Variants in CDYL observed in about 807,000 individuals in gnomAD.
The protein encoded by CDYL is chromodomain Y like, also known as chromodomain Y-like protein.
CDYL carries 8 observed loss-of-function variants against 47.3 expected under a neutral mutation model. That is an observed-to-expected ratio of 0.17 (90% CI 0.10 to 0.31). The LOEUF is 0.31. Among genes scored for constraint, CDYL ranks in the 10% least tolerant of loss-of-function variants. The pLI is 1.00. For missense variants in CDYL, 471 were observed against 701.4 expected (o/e 0.67, Z 3.71); for synonymous variants, 266 against 265.0 (o/e 1.00, Z -0.04).
At chr6:4,757,147 A>G (rs942155282) in intron 3 of CDYL, among the ~76,000 whole-genome samples, 1 of 152,246 alleles carries the variant, frequency 6.6e-6, no homozygotes, top group Admixed American at 6.5e-5. Context: ...ATTTAGAAAT[A>G]TAACTTTAGT....
chr6:4,714,315 G>C (rs1757213616), intron 1 of CDYL: 1 of 152,120 alleles, frequency 6.6e-6, no homozygotes, highest in African/African-American at 2.4e-5. Flanking sequence ...CAACATCAGA[G>C]CACCTGGGCT....
intron 1 of CDYL, among the ~76,000 whole-genome samples, chr6:4,857,268 A>ATGAAGTTT (rs1761037927): frequency 6.6e-6 from 1 of 152,240 alleles, no homozygotes; most frequent in South Asian, 2.1e-4. Flanking sequence ...CTTAAAAAAA[A>ATGAAGTTT]TGAAGTTTTG....
At chr6:4,778,395 C>T (rs9504249) in intron 1 of CDYL, among the ~76,000 whole-genome samples, 2,672 of 152,234 alleles carry the variant, frequency 0.018, 40 homozygotes, top group African/African-American at 0.04. Context: ...GCACATTTCC[C>T]ATTAGTATAT....
chr6:4,711,006 A>C (rs998503174), intron 1 of CDYL, among the ~76,000 whole-genome samples: 1 of 152,112 alleles, frequency 6.6e-6, no homozygotes, highest in African/African-American at 2.4e-5. Context: ...TCATTTCACT[A>C]TGGATATGTA....
chr6:4,865,291 G>T (rs1370500323), intron 1 of CDYL, among the ~76,000 whole-genome samples: 2 of 152,098 alleles, frequency 1.3e-5, no homozygotes. Flanking sequence ...CCGCCACTCG[G>T]GCTCATACCC....
intron 4 of CDYL, among the ~76,000 whole-genome samples, chr6:4,939,766 C>T (rs545801874): frequency 6.6e-5 from 10 of 152,318 alleles, no homozygotes; most frequent in Non-Finnish European, 1.3e-4. Flanking sequence ...GGGTGAATTC[C>T]ATGAACTTAA....
At chr6:4,939,282 AG>A (rs59884857) in intron 4 of CDYL, among the ~76,000 whole-genome samples, 24 of 151,992 alleles carry the variant, frequency 1.6e-4, no homozygotes, top group South Asian at 1.0e-3. Context: ...TGTGGTGGGT[AG>A]GGGGGCTCTT....
intron 1 of CDYL, among the ~76,000 whole-genome samples, chr6:4,777,351 C>T (rs930920659): frequency 2.6e-5 from 4 of 152,150 alleles, no homozygotes; most frequent in African/African-American, 9.7e-5. Context: ...AGCATTGTGG[C>T]CAGAGCCAGG....
At chr6:4,902,856 A>G (rs557717792) in intron 2 of CDYL, among the ~76,000 whole-genome samples, 4 of 152,340 alleles carry the variant, frequency 2.6e-5, no homozygotes, top group Admixed American at 2.0e-4. Context: ...GTCTGAAAAA[A>G]TAAAATCGGA....
chr6:4,837,970 G>A (rs1398905713), intron 1 of CDYL, among the ~76,000 whole-genome samples: 3 of 150,888 alleles, frequency 2.0e-5, no homozygotes, highest in African/African-American at 4.9e-5. Context: ...TAGAGATGGG[G>A]TTTTGCCATG....
intron 1 of CDYL, among the ~76,000 whole-genome samples, chr6:4,882,396 T>A (rs1761787781): frequency 6.6e-6 from 1 of 152,194 alleles, no homozygotes; most frequent in South Asian, 2.1e-4. Flanking sequence ...GGGAGATAGT[T>A]TTAAACACAG....
chr6:4,772,389 C>T (rs1758350677), upstream of CDYL, among the ~76,000 whole-genome samples: 1 of 152,058 alleles, frequency 6.6e-6, no homozygotes, highest in Non-Finnish European at 1.5e-5. Flanking sequence ...ACTGTTTGGG[C>T]AGGGAAGGCA....
chr6:4,932,800 A>G (rs7743681), intron 2 of CDYL, among the ~76,000 whole-genome samples: 105,343 of 152,074 alleles, frequency 0.69, 37,136 homozygotes, highest in Middle Eastern at 0.89. Flanking sequence ...CAGGGAAATC[A>G]TTGCTGTCGG....
intron 2 of CDYL, among the ~76,000 whole-genome samples, chr6:4,720,478 G>A (rs1280965795): frequency 6.6e-6 from 1 of 151,958 alleles, no homozygotes. Flanking sequence ...TTCTTTATAA[G>A]GTCTTATATT....
intron 2 of CDYL, among the ~76,000 whole-genome samples, chr6:4,718,097 A>G (rs908971271): frequency 2.0e-5 from 3 of 152,110 alleles, no homozygotes; most frequent in African/African-American, 4.8e-5. Context: ...TCAGCCTCCC[A>G]AAGTGCTGGG....
At chr6:4,880,045 A>G (rs1416403623) in intron 1 of CDYL, among the ~76,000 whole-genome samples, 2 of 152,056 alleles carry the variant, frequency 1.3e-5, no homozygotes, top group Non-Finnish European at 2.9e-5. Context: ...TTGACACGTC[A>G]TCACCCCAAG....
intron 1 of CDYL, among the ~76,000 whole-genome samples, chr6:4,818,205 A>G (rs1275598462): frequency 1.3e-5 from 2 of 152,160 alleles, no homozygotes; most frequent in African/African-American, 4.8e-5. Context: ...CAGTGAGTGG[A>G]GATTGTGCCA....
chr6:4,757,988 C>T (rs1176786261), intron 3 of CDYL, among the ~76,000 whole-genome samples: 1 of 152,086 alleles, frequency 6.6e-6, no homozygotes, highest in Non-Finnish European at 1.5e-5. Context: ...AACAAGTTTC[C>T]TAATTTGTTA....
In CDYL at chr6:4,767,057, A is replaced by G. The variant is rs906057790; in HGVS notation, c.186+32213A>G. ...AGGTGAATCTTCCTCATGAACATAGATTCAAAATCCTAAACATATTATTAG... is the reference window on the plus strand; with the variant it reads ...AGGTGAATCTTCCTCATGAACATAGGTTCAAAATCCTAAACATATTATTAG... On this transcript the variant is annotated intron_variant, in intron 3 of 8. Coordinates refer to the CDYL transcript ENST00000328908. Among the ~76,000 whole-genome samples, 6 of 152,288 alleles carry G rather than the reference A, an allele frequency of 3.9e-5. No individual in the cohort carries two copies. The Middle Eastern group carries it at 0.01, about 259-fold the overall frequency.
Sources: gnomAD v4.1 joint callset for allele counts (sites outside exome capture counted in the v4.1 genomes callset) on GRCh38, gnomAD v4.1.1 for gene constraint, MANE v1.5 for transcripts, NCBI Gene and HGNC (gene_info 2026-07-23, HGNC 2026-07-21) for gene names.